The following NCAPG2 variants were observed in gnomAD, a reference collection of about 807,000 sequenced individuals.
The protein encoded by NCAPG2 is non-SMC condensin II complex subunit G2.
In NCAPG2, 53 loss-of-function variants were observed where a neutral mutation model predicts 141.1. The observed-to-expected ratio is 0.38, with a 90% CI of 0.30 to 0.47. The LOEUF (loss-of-function observed/expected upper bound fraction) is 0.47. NCAPG2 is among the 20% of genes least tolerant of loss of function. NCAPG2 has a pLI of 0.99. For synonymous variants in NCAPG2, 499 were observed against 490.7 expected (o/e 1.02, Z -0.22); for missense variants, 1,087 against 1,389.0 (o/e 0.78, Z 3.46).
intron 13 of NCAPG2, chr7:158,668,554 G>A: frequency 5.5e-6 from 3 of 546,802 alleles, no homozygotes; most frequent in Non-Finnish European, 4.6e-6. Flanking sequence ...CGGCAGTGTG[G>A]CCTGGATACA....
At chr7:158,678,749 A>T (rs1270482814) in intron 11 of NCAPG2, among the ~76,000 whole-genome samples, 1 of 151,520 alleles carries the variant, frequency 6.6e-6, no homozygotes, top group Non-Finnish European at 1.5e-5. Flanking sequence ...AAAAAAAGGA[A>T]TTGTAGATAA....
At chr7:158,648,255 G>T (rs1411833805) in intron 24 of NCAPG2, among the ~76,000 whole-genome samples, 3 of 151,800 alleles carry the variant, frequency 2.0e-5, no homozygotes, top group East Asian at 3.9e-4. Context: ...AATTTCTGAA[G>T]GTACTGAGAT....
intron 27 of NCAPG2, chr7:158,640,052 C>CAAAAAAAAAAAAAAAAAAAAAAAAACCA (rs58368997): frequency 2.0e-5 from 2 of 98,326 alleles, no homozygotes; most frequent in African/African-American, 3.9e-5. Context: ...GAATAAATGC[C>CAAAAAAAAAAAAAAAAAAAAAAAAACCA]AAAAAAAAAA....
intron 27 of NCAPG2, among the ~76,000 whole-genome samples, chr7:158,636,502 A>T (rs1446911840): frequency 1.3e-5 from 2 of 151,382 alleles, no homozygotes; most frequent in Non-Finnish European, 2.9e-5. Context: ...TCCGGGTTCA[A>T]GTGATTCTCC....
chr7:158,656,822 A>G, intron 17 of NCAPG2, 117 bp from the exon 18 acceptor site: 1 of 1,185,976 alleles, frequency 8.4e-7, no homozygotes, highest in Non-Finnish European at 1.2e-6. Flanking sequence ...CCTTGTTATT[A>G]TATTAGCACT....
rs561754599 is a variant in NCAPG2 at position 158,644,446 on chromosome 7, C to T, written c.3281-58G>A. ...TTTAACATCACTACACAAAGACAAA[C>T]ACTCTGGTACACATGTGGTACAACT... On this transcript the variant is annotated intron_variant, in intron 26 of 27. Transcript: ENST00000356309. 804 of 1,405,050 alleles carry T rather than the reference C, an allele frequency of 5.7e-4. 1 individual carries two copies. The highest frequency in any genetic ancestry group is 7.3e-4 in the Non-Finnish European group (726 of 993,308). The allele number at this position is 1,405,050 out of a possible 1,614,324, so 87.0% of individuals were successfully genotyped here.
At chr7:158,645,730 G>T in intron 25 of NCAPG2, 111 bp from the exon 26 acceptor site, 2 of 921,302 alleles carry the variant, frequency 2.2e-6, no homozygotes, top group Non-Finnish European at 3.4e-6. Context: ...GTTTGCAGGG[G>T]ACGTGGGAAG....
intron 27 of NCAPG2, among the ~76,000 whole-genome samples, chr7:158,636,863 C>G (rs117717420): frequency 6.6e-6 from 1 of 152,170 alleles, no homozygotes; most frequent in Non-Finnish European, 1.5e-5. Flanking sequence ...CTGAAATGGA[C>G]AAGTGCTCCT....
intron 8 of NCAPG2, 98 bp downstream of exon 8, chr7:158,686,074 T>C (rs950077304): frequency 1.5e-6 from 1 of 677,666 alleles, no homozygotes; most frequent in African/African-American, 1.9e-5. Flanking sequence ...TTTGACAGAG[T>C]GCATAAACAT....
chr7:158,661,932 A>G (rs762320549), intron 16 of NCAPG2, among the ~76,000 whole-genome samples: 1 of 152,186 alleles, frequency 6.6e-6, no homozygotes, highest in African/African-American at 2.4e-5. Context: ...GTCGCTGACC[A>G]TCGGAGGCAG....
intron 16 of NCAPG2, among the ~76,000 whole-genome samples, chr7:158,661,286 G>A (rs1324654482): frequency 1.3e-5 from 2 of 152,152 alleles, no homozygotes; most frequent in African/African-American, 2.4e-5. Flanking sequence ...TAAGACCTAC[G>A]ATCTTTCTAT....
At chr7:158,650,112 G>A (rs541996757) in intron 24 of NCAPG2, among the ~76,000 whole-genome samples, 20 of 152,248 alleles carry the variant, frequency 1.3e-4, no homozygotes, top group Admixed American at 1.0e-3. Flanking sequence ...GGAGTCCAAT[G>A]GCGTGATCTC....
chr7:158,641,624 G>A, intron 27 of NCAPG2: 2 of 480,684 alleles, frequency 4.2e-6, no homozygotes, highest in Non-Finnish European at 3.7e-6. Context: ...AAACAAAGCA[G>A]GAGTAGTAGT....
rs1280456990 is a variant in NCAPG2, at chr7:158,633,756, A to T, written c.3381-2039T>A. Among the ~76,000 whole-genome samples, 3 of 151,948 alleles carry T rather than the reference A, an allele frequency of 2.0e-5. No homozygotes were observed. The highest frequency in any genetic ancestry group is 2.0e-4 in the Admixed American group (3 of 15,278). Reference sequence around the variant, plus strand: ...CATGAACCCTCCAAAATCTAAAATTAATTTTTTTTTTTGAGACAGGGTCAC... The same window carrying T: ...CATGAACCCTCCAAAATCTAAAATTTATTTTTTTTTTTGAGACAGGGTCAC... On this transcript the variant is annotated intron_variant, in intron 27 of 27. Coordinates refer to ENST00000356309, the MANE Select transcript of NCAPG2 (RefSeq NM_017760.7). This position sits in a 1 kb window ranked among gnomAD's most constrained non-coding sequence, Gnocchi z 4.1.
At chr7:158,686,470 G>A (rs943513571) in intron 7 of NCAPG2, among the ~76,000 whole-genome samples, 1 of 152,094 alleles carries the variant, frequency 6.6e-6, no homozygotes, top group East Asian at 1.9e-4. Flanking sequence ...TCTCAGTCAA[G>A]GCTTACCCAA....
At position 158,637,512 on chromosome 7, in the gene NCAPG2, C is replaced by T. The variant is rs561885928; in HGVS notation, c.3381-5795G>A. ...CACCAGACAACTACCCCACAAGCCCCCACCCCATCCGAGCCACACACAGGA... is the reference window on the plus strand; with the variant it reads ...CACCAGACAACTACCCCACAAGCCCTCACCCCATCCGAGCCACACACAGGA... On this transcript the variant is annotated intron_variant, in intron 27 of 27. Coordinates refer to ENST00000356309, the MANE Select transcript of NCAPG2 (RefSeq NM_017760.7). 3.2e-4 allele frequency among the ~76,000 whole-genome samples: 48 copies of T among 152,358 alleles called. 1 individual carries two copies. Among genetic ancestry groups the T allele is most frequent in the Admixed American group, 2.6e-3 (39 of 15,292 alleles).
rs78986510 is a variant in NCAPG2, at chr7:158,683,268, T to C, written c.924+32A>G. 1.1e-4 allele frequency: 157 copies of C among 1,430,042 alleles called. 2 individuals are homozygous for C. The East Asian group carries it at 2.8e-3, about 25-fold the overall frequency. The allele number at this position is 1,430,042 out of a possible 1,614,324, so 88.6% of individuals were successfully genotyped here. On this transcript the variant is annotated intron_variant, in intron 9 of 27. Coordinates refer to ENST00000356309, the MANE Select transcript of NCAPG2 (RefSeq NM_017760.7). ...ATCTAAAAACAAAACAGAGGAAACA[T>C]TATTTCAAAAACAATCTGTTCACAA...
chr7:158,675,669 G>A lies in NCAPG2; in HGVS notation c.1147-13C>T. ...CTTCTAAAAGGCTCTATAAGTAGGAGGGGAGAAAGGCTTAAAAACCTTGAC... is the reference window on the plus strand; with the variant it reads ...CTTCTAAAAGGCTCTATAAGTAGGAAGGGAGAAAGGCTTAAAAACCTTGAC... On this transcript the variant is annotated splice_polypyrimidine_tract_variant and intron_variant, in intron 11 of 27. Transcript: ENST00000356309. 2 of 1,603,634 alleles carry A rather than the reference G, an allele frequency of 1.2e-6. No homozygotes were observed.
intron 12 of NCAPG2, among the ~76,000 whole-genome samples, chr7:158,672,434 C>T (rs1047734851): frequency 2.1e-5 from 3 of 141,834 alleles, no homozygotes; most frequent in Non-Finnish European, 4.5e-5. Context: ...GCTCTGCCTC[C>T]CGGGTTCATG....
Sources: allele counts gnomAD v4.1 joint callset (sites outside exome capture counted in the v4.1 genomes callset), GRCh38; gene constraint gnomAD v4.1.1; non-coding constraint Gnocchi (gnomAD v3.1); transcripts MANE v1.5; gene names NCBI Gene and HGNC (gene_info 2026-07-23, HGNC 2026-07-21).